NUS1: variants seen among roughly 807,000 people sequenced by gnomAD.
NUS1 encodes NUS1 dehydrodolichyl diphosphate synthase subunit.
For missense variants in NUS1, 292 were observed against 382.9 expected, an observed-to-expected ratio of 0.76 and a Z score of 1.98; for synonymous variants, 135 against 155.2, an observed-to-expected ratio of 0.87 and a Z score of 0.97.
intron 1 of NUS1, among the ~76,000 whole-genome samples, chr6:117,689,531 G>A (rs1051123516): frequency 2.0e-5 from 3 of 150,498 alleles, no homozygotes; most frequent in Non-Finnish European, 4.4e-5. Flanking sequence ...GTGTTATGGA[G>A]ATTTTACATT....
intron 4 of NUS1, 94 bp from the exon 5 acceptor site, chr6:117,706,831 T>C (rs1157824782): frequency 2.6e-5 from 25 of 946,506 alleles, no homozygotes; most frequent in African/African-American, 8.1e-5. Flanking sequence ...TGGTGTATTC[T>C]ATTCTTAACT....
rs1028403294 is a variant in NUS1 at position 117,710,424 on chromosome 6, G to T, written c.*3409G>T. On this transcript the variant is annotated 3_prime_UTR_variant, in exon 5 of 5. Transcript: ENST00000368494. Reference sequence around the variant, plus strand: ...TAACTGGTGGGACATAAACTATGATGCAATGGATAGGAAAAGGTAGTGCAA... The same window carrying T: ...TAACTGGTGGGACATAAACTATGATTCAATGGATAGGAAAAGGTAGTGCAA... The T allele has an allele frequency of 6.6e-6, 1 of 152,034 alleles. No individual in the cohort carries two copies. Among genetic ancestry groups the T allele is most frequent in the African/African-American group, 2.4e-5 (1 of 41,410 alleles). 9.4% of individuals were successfully genotyped at this position (152,034 alleles called of 1,614,324 possible).
chr6:117,686,759 T>C (rs956663606), intron 1 of NUS1, among the ~76,000 whole-genome samples: 8 of 152,170 alleles, frequency 5.3e-5, no homozygotes, highest in Non-Finnish European at 1.0e-4. Flanking sequence ...AAAAAGAATC[T>C]GTACATATAC....
rs761121795 is a variant in NUS1, at chr6:117,675,844, G to T, written c.174G>T (p.Lys58Asn). 583 of 1,540,566 alleles carry T rather than the reference G, an allele frequency of 3.8e-4. 1 individual carries two copies. Among genetic ancestry groups the T allele is most frequent in the Admixed American group, 6.4e-4 (32 of 50,104 alleles). The change falls in exon 1 of 5, where the codon AAG (lysine) becomes AAT (asparagine). Residue 58 changes from lysine to asparagine, a missense_variant. Coordinates refer to ENST00000368494, the MANE Select transcript of NUS1 (RefSeq NM_138459.5). ...CGCCGCTCGGCTTCACGCTCCGCAA[G>T]CCCCCGGCAGTCGGCAGGAACCGCC... Reference protein sequence around the residue: ...VLAPLGFTLRKPPAVGRNRRH... With the variant: ...VLAPLGFTLRNPPAVGRNRRH...
At chr6:117,691,189 A>T (rs989941826) in intron 1 of NUS1, among the ~76,000 whole-genome samples, 4 of 151,956 alleles carry the variant, frequency 2.6e-5, no homozygotes, top group Non-Finnish European at 5.9e-5. Flanking sequence ...CTGTTGCCAG[A>T]TTAATTCTTC....
chr6:117,709,993 GC>G lies in NUS1; in HGVS notation c.*2979del, dbSNP rs1003361389. ...CATTTGGAATCTTATAATGTTACTT[GC>G]TTTTTGATAGATAATAGTGAAATAA... On this transcript the variant is annotated 3_prime_UTR_variant, in exon 5 of 5. Transcript: ENST00000368494. The G allele has an allele frequency of 1.3e-5, 2 of 152,078 alleles. No homozygotes were observed. Among genetic ancestry groups the G allele is most frequent in the Non-Finnish European group, 2.9e-5 (2 of 67,946 alleles). 9.4% of individuals were successfully genotyped at this position (152,078 alleles called of 1,614,324 possible).
chr6:117,704,947 CAT>C (rs1238121079), intron 4 of NUS1, among the ~76,000 whole-genome samples: 6 of 152,136 alleles, frequency 3.9e-5, no homozygotes. Flanking sequence ...GCTAAAGATA[CAT>C]GTTTGGGGAT....
rs140760611 is a variant in NUS1, at chr6:117,701,157, A to G, written c.692-2448A>G. On this transcript the variant is annotated intron_variant, in intron 3 of 4. Transcript: ENST00000368494. ...ATGGATTGAATTGAATCTATAGCTC[A>G]ATTTGGGGAAAGTTGCCTTCTTAAC... Among the ~76,000 whole-genome samples the G allele has an allele frequency of 1.8e-3, 275 of 151,966 alleles. 3 individuals carry two copies. The highest frequency in any genetic ancestry group is 2.9e-4 in the Non-Finnish European group (20 of 67,944).
chr6:117,691,719 AATTG>A (rs1368947349), intron 1 of NUS1, among the ~76,000 whole-genome samples: 2 of 149,710 alleles, frequency 1.3e-5, no homozygotes, highest in Non-Finnish European at 3.0e-5. Context: ...ATATAATTTT[AATTG>A]ATTGTTCAGA....
At position 117,709,831 on chromosome 6, in the gene NUS1, T is replaced by C. The variant is rs1259564480; in HGVS notation, c.*2816T>C. On this transcript the variant is annotated 3_prime_UTR_variant, in exon 5 of 5. Transcript: ENST00000368494. ...ACTCTTTTCATTGACTATAGTATTA[T>C]GTGAATGCTACATTTGTTCTGAACA... 7.2e-5 allele frequency: 11 copies of C among 152,598 alleles called. No individual in the cohort carries two copies. The highest frequency in any genetic ancestry group is 1.5e-4 in the Non-Finnish European group (10 of 68,002). 9.5% of individuals were successfully genotyped at this position (152,598 alleles called of 1,614,324 possible).
chr6:117,681,855 TG>T (rs1206626367), intron 1 of NUS1, among the ~76,000 whole-genome samples: 1 of 152,216 alleles, frequency 6.6e-6, no homozygotes, highest in African/African-American at 2.4e-5. Flanking sequence ...TTTTTTGACA[TG>T]GAGTCTGGCT....
Position 117,694,141 on chromosome 6 carries a change from C to A in NUS1, c.652C>A (p.Pro218Thr). The A allele has an allele frequency of 6.2e-7, 1 of 1,610,382 alleles. No individual in the cohort carries two copies. The highest frequency in any genetic ancestry group is 8.5e-7 in the Non-Finnish European group (1 of 1,178,008). Reference protein sequence around the residue: ...CQLVAQKQKRPTDLDVDTLAS... With the variant: ...CQLVAQKQKRTTDLDVDTLAS... ...GTTAGTAGCCCAGAAGCAAAAGAGA[C>A]CCACAGATTTGGATGTAGATACGTT... The change falls in exon 3 of 5, where the codon CCC becomes ACC. Residue 218 changes from proline (P) to threonine (T), a missense_variant. By Grantham distance (38) the Pro-to-Thr change is conservative. Transcript: ENST00000368494.
At position 117,688,701 on chromosome 6, in the gene NUS1, A is replaced by G. The variant is rs1353076279; in HGVS notation, c.416-4341A>G. 3.9e-5 allele frequency among the ~76,000 whole-genome samples: 6 copies of G among 152,182 alleles called. 1 individual carries two copies. The highest frequency in any genetic ancestry group is 1.4e-4 in the African/African-American group (6 of 41,448). ...AAGGTTTGGCTTTGTTCACTCTCGGATGCCTACAGAACTTCAAGGTAGAGT... is the reference window on the plus strand; with the variant it reads ...AAGGTTTGGCTTTGTTCACTCTCGGGTGCCTACAGAACTTCAAGGTAGAGT... On this transcript the variant is annotated intron_variant, in intron 1 of 4. Transcript: ENST00000368494.
chr6:117,685,579 T>C (rs1011011266), intron 1 of NUS1, among the ~76,000 whole-genome samples: 2 of 152,120 alleles, frequency 1.3e-5, no homozygotes, highest in Admixed American at 6.5e-5. Flanking sequence ...GTCAAATTCC[T>C]GACCTCAAGT....
chr6:117,689,941 G>C (rs1773192785), intron 1 of NUS1, among the ~76,000 whole-genome samples: 1 of 152,130 alleles, frequency 6.6e-6, no homozygotes, highest in South Asian at 2.1e-4. Flanking sequence ...CCAAAGTGTG[G>C]TCTAACTTGT....
intron 1 of NUS1, among the ~76,000 whole-genome samples, chr6:117,689,756 A>G (rs998819146): frequency 1.3e-5 from 2 of 152,006 alleles, no homozygotes; most frequent in Admixed American, 6.6e-5. Flanking sequence ...TGTAGAGACA[A>G]GGTCTTGCTA....
At position 117,710,529 on chromosome 6, in the gene NUS1, TATTG is replaced by T. The variant is rs1773560463; in HGVS notation, c.*3518_*3521del. The T allele has an allele frequency of 6.6e-6, 1 of 152,132 alleles. No individual in the cohort carries two copies. The highest frequency in any genetic ancestry group is 1.5e-5 in the Non-Finnish European group (1 of 68,004). The allele number at this position is 152,132 out of a possible 1,614,324, so 9.4% of individuals were successfully genotyped here. A position where few individuals can be genotyped will look rare whatever the true frequency, so the allele number is the denominator to read the frequency against. On this transcript the variant is annotated 3_prime_UTR_variant, in exon 5 of 5. Transcript: ENST00000368494. ...TCAGAGAAACAAAGGAATGTAACCT[TATTG>T]ATTACATTTTTGGTGATCACCGAGA...
At chr6:117,697,119 T>A (rs2114689590) in intron 3 of NUS1, among the ~76,000 whole-genome samples, 1 of 152,146 alleles carries the variant, frequency 6.6e-6, no homozygotes, top group African/African-American at 2.4e-5. Context: ...CAGATAGTAT[T>A]TGCAAGCCTC....
At chr6:117,697,525 G>T (rs1773337174) in intron 3 of NUS1, among the ~76,000 whole-genome samples, 1 of 151,952 alleles carries the variant, frequency 6.6e-6, no homozygotes, top group Non-Finnish European at 1.5e-5. Context: ...TCAGACAAAA[G>T]ATATTTCAAG....
Sources: gnomAD v4.1 joint callset for allele counts (sites outside exome capture counted in the v4.1 genomes callset) on GRCh38, gnomAD v4.1.1 for gene constraint, MANE v1.5 for transcripts, NCBI Gene and HGNC (gene_info 2026-07-23, HGNC 2026-07-21) for gene names.